Variants in FER observed in about 807,000 individuals in gnomAD.
The protein encoded by FER is tyrosine-protein kinase Fer.
A neutral mutation model predicts 111.0 loss-of-function variants in FER; 63 were observed. The observed-to-expected ratio is 0.57, with a 90% CI of 0.46 to 0.70. FER has a LOEUF of 0.70. Ranked by LOEUF, FER falls within the 30% of genes least tolerant of loss-of-function variation. The pLI is 0.00. For missense variants in FER, 914 were observed against 954.0 expected (o/e 0.96, Z 0.55); for synonymous variants, 327 against 313.9 (o/e 1.04, Z -0.44).
rs1759660644 is a variant in FER at position 109,195,262 on chromosome 5, A to C, written c.*7687A>C. On this transcript the variant is annotated 3_prime_UTR_variant, in exon 20 of 20. Coordinates refer to ENST00000281092, the MANE Select transcript of FER (RefSeq NM_005246.4). ...AGTACGTTGCTTGTATTTAGACTAT[A>C]AGATGCTATGGAGGTCTATCCCATG... The C allele has an allele frequency of 6.6e-6, 1 of 152,230 alleles. No individual in the cohort carries two copies. The highest frequency in any genetic ancestry group is 2.4e-5 in the African/African-American group (1 of 41,548). 9.4% of individuals were successfully genotyped at this position (152,230 alleles called of 1,614,324 possible).
chr5:108,975,529 TAAC>T (rs1288162299), intron 13 of FER, among the ~76,000 whole-genome samples: 2 of 152,124 alleles, frequency 1.3e-5, no homozygotes, highest in Non-Finnish European at 2.9e-5. Context: ...TGCCAAATAA[TAAC>T]ATTTCATCCT....
chr5:109,044,713 A>G lies in FER; in HGVS notation c.1747A>G (p.Lys583Glu). ...TGGTGAAGTATATAAGGGCACATTA[A>G]AGGATAAAACTTCTGTTGCTGTTAA... Reference protein sequence around the residue: ...NFGEVYKGTLKDKTSVAVKTC... With the variant: ...NFGEVYKGTLEDKTSVAVKTC... The change falls in exon 15 of 20, where the codon AAG becomes GAG. Residue 583 changes from lysine to glutamate, a missense_variant. Lys to Glu is a moderately conservative substitution (Grantham distance 56). Coordinates refer to ENST00000281092, the MANE Select transcript of FER (RefSeq NM_005246.4). 2 of 1,587,014 alleles carry G rather than the reference A, an allele frequency of 1.3e-6. No individual in the cohort carries two copies. Among genetic ancestry groups the G allele is most frequent in the Admixed American group, 1.8e-5 (1 of 54,260 alleles).
chr5:109,127,827 C>A (rs1751907838), intron 17 of FER, among the ~76,000 whole-genome samples: 1 of 152,034 alleles, frequency 6.6e-6, no homozygotes, highest in South Asian at 2.1e-4. Flanking sequence ...CAGAATCAGC[C>A]ATATGTTCAG....
intron 17 of FER, among the ~76,000 whole-genome samples, chr5:109,119,025 C>G (rs893916494): frequency 2.0e-5 from 3 of 149,330 alleles, no homozygotes; most frequent in Admixed American, 6.7e-5. Context: ...CTGCTCTGAT[C>G]TTAGTTATTT....
intron 13 of FER, among the ~76,000 whole-genome samples, chr5:108,976,383 C>A (rs1309609173): frequency 6.6e-6 from 1 of 152,118 alleles, no homozygotes; most frequent in African/African-American, 2.4e-5. Context: ...TTTTGTGAAG[C>A]AATGCAGGCC....
intron 17 of FER, among the ~76,000 whole-genome samples, chr5:109,154,941 C>T (rs1016577640): frequency 6.6e-6 from 1 of 151,742 alleles, no homozygotes; most frequent in African/African-American, 2.4e-5. Flanking sequence ...TTTATGAGTC[C>T]TATAACTACA....
chr5:108,822,765 T>G (rs1302085901), intron 3 of FER, among the ~76,000 whole-genome samples: 2 of 147,690 alleles, frequency 1.4e-5, no homozygotes, highest in African/African-American at 2.6e-5. Flanking sequence ...TTTATTTTAT[T>G]TATTTTATTT....
At chr5:108,921,071 C>G (rs1379644726) in intron 10 of FER, among the ~76,000 whole-genome samples, 1 of 152,088 alleles carries the variant, frequency 6.6e-6, no homozygotes. Context: ...TTGATAATTT[C>G]AGGTCAAATG....
Position 109,151,830 on chromosome 5 carries a change from A to G in FER, c.2049-28917A>G, listed in dbSNP as rs115327253. Among the ~76,000 whole-genome samples the G allele has an allele frequency of 1.9e-3, 287 of 152,234 alleles. 3 individuals carry two copies. Among genetic ancestry groups the G allele is most frequent in the African/African-American group, 6.3e-3 (261 of 41,574 alleles). Reference sequence around the variant, plus strand: ...GACAAGTTATGTGACAAAATTTGAAAAAGGTTTTCCAAATTCTGTCTCATA... The same window carrying G: ...GACAAGTTATGTGACAAAATTTGAAGAAGGTTTTCCAAATTCTGTCTCATA... On this transcript the variant is annotated intron_variant, in intron 17 of 19. Transcript: ENST00000281092.
At chr5:109,055,635 A>T (rs1405701311) in intron 16 of FER, among the ~76,000 whole-genome samples, 4 of 151,130 alleles carry the variant, frequency 2.6e-5, no homozygotes, top group Admixed American at 6.6e-5. Flanking sequence ...TTTTTTTTTT[A>T]AATTAACCAG....
intron 17 of FER, among the ~76,000 whole-genome samples, chr5:109,120,803 T>A (rs977337589): frequency 6.6e-6 from 1 of 152,134 alleles, no homozygotes; most frequent in African/African-American, 2.4e-5. Flanking sequence ...ATTATAGACA[T>A]CTTTTGCTTA....
At chr5:108,981,247 ATATT>A (rs1395656554) in intron 13 of FER, among the ~76,000 whole-genome samples, 2 of 152,078 alleles carry the variant, frequency 1.3e-5, no homozygotes, top group Non-Finnish European at 2.9e-5. Context: ...AAGTCAGAGC[ATATT>A]TATGGGGGTC....
At chr5:108,870,613 T>G (rs1003489200) in intron 6 of FER, among the ~76,000 whole-genome samples, 4 of 150,692 alleles carry the variant, frequency 2.7e-5, no homozygotes, top group African/African-American at 9.8e-5. Flanking sequence ...AAGGGAGCTT[T>G]TGTACATATT....
At chr5:108,872,044 T>C in intron 7 of FER, 49 bp from the exon 8 acceptor site, 1 of 1,565,876 alleles carries the variant, frequency 6.4e-7, no homozygotes. Flanking sequence ...GAAGATATAT[T>C]ATGATACTGT....
chr5:108,895,094 A>G (rs1748874919), intron 9 of FER, among the ~76,000 whole-genome samples: 2 of 152,196 alleles, frequency 1.3e-5, no homozygotes, highest in Admixed American at 1.3e-4. Context: ...GATCCCATTT[A>G]TTATCCAGGG....
intron 10 of FER, among the ~76,000 whole-genome samples, chr5:108,906,870 T>A (rs1189320506): frequency 6.6e-6 from 1 of 152,154 alleles, no homozygotes; most frequent in Non-Finnish European, 1.5e-5. Context: ...ATACCATGAT[T>A]TTATTCATTC....
chr5:108,866,149 C>T (rs879706372), intron 5 of FER, among the ~76,000 whole-genome samples: 21 of 152,066 alleles, frequency 1.4e-4, no homozygotes, highest in Non-Finnish European at 2.4e-4. Context: ...ATGTTTATTG[C>T]GGTACTATTC....
intron 10 of FER, among the ~76,000 whole-genome samples, chr5:108,900,256 A>G (rs1170412821): frequency 1.3e-5 from 2 of 152,240 alleles, no homozygotes; most frequent in East Asian, 1.9e-4. Flanking sequence ...AATTTTTACA[A>G]TGCCCAATTC....
At chr5:108,983,928 C>T (rs908655257) in intron 13 of FER, among the ~76,000 whole-genome samples, 1 of 152,056 alleles carries the variant, frequency 6.6e-6, no homozygotes, top group Non-Finnish European at 1.5e-5. Flanking sequence ...CATCCTCTCT[C>T]TCTTTCTCTC....
Sources: gnomAD v4.1 joint callset for allele counts (sites outside exome capture counted in the v4.1 genomes callset) on GRCh38, gnomAD v4.1.1 for gene constraint, MANE v1.5 for transcripts, NCBI Gene and HGNC (gene_info 2026-07-23, HGNC 2026-07-21) for gene names.